The following CLASP1 variants were observed in gnomAD, a reference collection of about 807,000 sequenced individuals.
CLASP1 encodes the protein CLIP-associating protein 1.
Under a neutral mutation model 192.3 loss-of-function variants are expected in CLASP1, and 38 were observed. The ratio of observed to expected loss-of-function variants is 0.20; its 90% confidence interval spans 0.15 to 0.26. The LOEUF (loss-of-function observed/expected upper bound fraction) is 0.26. CLASP1 is among the 10% of genes least tolerant of loss of function. The pLI is 1.00. For missense variants in CLASP1, 1,433 were observed against 1,932.5 expected (o/e 0.74, Z 4.85); for synonymous variants, 691 against 712.8 (o/e 0.97, Z 0.49).
intron 23 of CLASP1, among the ~76,000 whole-genome samples, chr2:121,415,533 T>C (rs927658756): frequency 4.6e-5 from 7 of 152,340 alleles, no homozygotes; most frequent in South Asian, 2.1e-4. Flanking sequence ...CTCATGTGGA[T>C]AGAAAACAAC....
intron 2 of CLASP1, among the ~76,000 whole-genome samples, chr2:121,541,956 C>A (rs917253736): frequency 2.6e-5 from 4 of 152,094 alleles, no homozygotes; most frequent in African/African-American, 9.7e-5. Context: ...GGCATGAAAT[C>A]TAGAAAAGAA....
chr2:121,620,970 G>C (rs528459038), intron 1 of CLASP1, among the ~76,000 whole-genome samples: 9 of 152,242 alleles, frequency 5.9e-5, no homozygotes, highest in Admixed American at 5.9e-4. Context: ...GCTCACACCT[G>C]TAATCCCGGC....
intron 25 of CLASP1, 36 bp from the exon 27 acceptor site, chr2:121,404,470 A>G: frequency 1.3e-6 from 2 of 1,558,604 alleles, no homozygotes; most frequent in Non-Finnish European, 1.8e-6. Context: ...TGAATTTACT[A>G]CTTTTATTAT....
At chr2:121,349,880 T>C (rs749368443) in intron 37 of CLASP1, among the ~76,000 whole-genome samples, 2 of 152,188 alleles carry the variant, frequency 1.3e-5, no homozygotes, top group African/African-American at 2.4e-5. Flanking sequence ...AGCCTCGGCC[T>C]TGGGCTCAGG....
At chr2:121,593,489 C>T (rs1373915315) in intron 2 of CLASP1, among the ~76,000 whole-genome samples, 2 of 151,846 alleles carry the variant, frequency 1.3e-5, no homozygotes, top group Non-Finnish European at 2.9e-5. Context: ...CATGCTGGTG[C>T]CTGCCTATAA....
At chr2:121,588,569 A>G (rs567150747) in intron 2 of CLASP1, among the ~76,000 whole-genome samples, 1 of 152,358 alleles carries the variant, frequency 6.6e-6, no homozygotes, top group South Asian at 2.1e-4. Context: ...ATATTATGCC[A>G]AGCACTGGGC....
chr2:121,344,876 G>C (rs2063248713), intron 39 of CLASP1, among the ~76,000 whole-genome samples: 1 of 152,106 alleles, frequency 6.6e-6, no homozygotes, highest in African/African-American at 2.4e-5. Flanking sequence ...AAAAAATTTA[G>C]GCCAGACACG....
intron 1 of CLASP1, among the ~76,000 whole-genome samples, chr2:121,607,776 T>C (rs1002106449): frequency 2.0e-5 from 3 of 152,172 alleles, no homozygotes; most frequent in Admixed American, 2.0e-4. Flanking sequence ...AAATTCTCAG[T>C]AGAGTAACTC....
intron 2 of CLASP1, among the ~76,000 whole-genome samples, chr2:121,549,729 G>C (rs538667722): frequency 4.5e-5 from 5 of 111,518 alleles, no homozygotes; most frequent in Admixed American, 3.3e-4. Flanking sequence ...AAAAAGGCCT[G>C]GCGTGGTGGC....
At chr2:121,632,070 T>TA (rs1169380927) in intron 1 of CLASP1, among the ~76,000 whole-genome samples, 5 of 151,586 alleles carry the variant, frequency 3.3e-5, no homozygotes, top group African/African-American at 9.7e-5. Flanking sequence ...TAAAATAAAA[T>TA]AAATAAATAA....
chr2:121,356,203 A>AG (rs945039679), intron 37 of CLASP1, among the ~76,000 whole-genome samples: 1 of 152,160 alleles, frequency 6.6e-6, no homozygotes, highest in Non-Finnish European at 1.5e-5. Flanking sequence ...TCTTCATAGC[A>AG]GCGTCTTGAG....
chr2:121,451,876 T>C (rs1485304249), intron 14 of CLASP1, 27 bp from the exon 15 acceptor site: 1 of 1,464,840 alleles, frequency 6.8e-7, no homozygotes, highest in Non-Finnish European at 9.4e-7. Context: ...AATACACAAC[T>C]TATTAATACA....
At chr2:121,604,971 A>G (rs1195468110) in intron 2 of CLASP1, among the ~76,000 whole-genome samples, 1 of 152,224 alleles carries the variant, frequency 6.6e-6, no homozygotes, top group African/African-American at 2.4e-5. Flanking sequence ...AAAAGAGAGC[A>G]TAAGGGGATG....
At chr2:121,587,051 G>A (rs1299131230) in intron 2 of CLASP1, among the ~76,000 whole-genome samples, 1 of 151,978 alleles carries the variant, frequency 6.6e-6, no homozygotes, top group Admixed American at 6.6e-5. Context: ...GACCAGCCTG[G>A]CCAGCATGGT....
chr2:121,596,935 A>G (rs2063208682), intron 2 of CLASP1, among the ~76,000 whole-genome samples: 1 of 152,210 alleles, frequency 6.6e-6, no homozygotes, highest in Admixed American at 6.5e-5. Flanking sequence ...CTCTGGGTTA[A>G]TAGGGAACCC....
intron 2 of CLASP1, among the ~76,000 whole-genome samples, chr2:121,595,755 A>G (rs1375274476): frequency 1.3e-5 from 2 of 152,250 alleles, no homozygotes; most frequent in Non-Finnish European, 2.9e-5. Context: ...TCCAGAGCAC[A>G]GGCTAACTGA....
intron 34 of CLASP1, among the ~76,000 whole-genome samples, chr2:121,373,765 C>T (rs560353387): frequency 6.6e-6 from 1 of 152,280 alleles, no homozygotes; most frequent in East Asian, 1.9e-4. Flanking sequence ...TTTAGGGTAT[C>T]TGGTGAAAGA....
At chr2:121,363,429 C>T in intron 36 of CLASP1, 129 bp from the exon 38 acceptor site, 2 of 995,124 alleles carry the variant, frequency 2.0e-6, no homozygotes, top group Non-Finnish European at 2.9e-6. Flanking sequence ...ACCCTCTAAA[C>T]AGATCACACA....
intron 8 of CLASP1, among the ~76,000 whole-genome samples, chr2:121,484,127 C>T (rs1025307838): frequency 5.3e-5 from 8 of 152,154 alleles, no homozygotes; most frequent in African/African-American, 1.9e-4. Flanking sequence ...AGTTATTCTA[C>T]GTAAGGTACA....
Sources: gnomAD v4.1 joint callset for allele counts (sites outside exome capture counted in the v4.1 genomes callset) on GRCh38, gnomAD v4.1.1 for gene constraint, MANE v1.5 for transcripts, NCBI Gene and HGNC (gene_info 2026-07-23, HGNC 2026-07-21) for gene names.